Variants in CACHD1 observed in about 807,000 individuals in gnomAD.
CACHD1 encodes the protein VWFA and cache domain-containing protein 1.
In CACHD1, 71 loss-of-function variants were observed where a neutral mutation model predicts 138.7. The ratio of observed to expected loss-of-function variants is 0.51; its 90% CI spans 0.42 to 0.62. The LOEUF (loss-of-function observed/expected upper bound fraction) is 0.62, where lower values mean the gene tolerates loss of function less well. Ranked by LOEUF, CACHD1 falls within the 20% of genes least tolerant of loss-of-function variation. The pLI, the probability that CACHD1 is intolerant of heterozygous loss-of-function variation, is 0.00. For synonymous variants in CACHD1, 578 were observed against 591.5 expected (o/e 0.98, Z 0.33); for missense variants, 1,389 against 1,625.3 (o/e 0.85, Z 2.50).
intron 1 of CACHD1, among the ~76,000 whole-genome samples, chr1:64,535,689 G>C (rs1216930337): frequency 3.3e-5 from 5 of 152,142 alleles, no homozygotes; most frequent in Non-Finnish European, 7.4e-5. Flanking sequence ...TCAAGAAATT[G>C]ACAGTAGAAA....
Position 64,692,637 on chromosome 1 carries a change from A to T in CACHD1, c.*1076A>T, listed in dbSNP as rs1282705144. ...TGAAAGTCTGGTTCTTAATTAAAGA[A>T]TTTTTTTTTTAATATCACGGTTAAA... On this transcript the variant is annotated 3_prime_UTR_variant, in exon 27 of 27. Transcript: ENST00000651257. 1 of 150,792 alleles carries T rather than the reference A, an allele frequency of 6.6e-6. No homozygotes were observed. Among genetic ancestry groups the T allele is most frequent in the Non-Finnish European group, 1.5e-5 (1 of 67,590 alleles). 9.3% of individuals were successfully genotyped at this position (150,792 alleles called of 1,614,324 possible).
intron 2 of CACHD1, among the ~76,000 whole-genome samples, chr1:64,567,096 A>G (rs1415392355): frequency 6.6e-6 from 1 of 152,160 alleles, no homozygotes; most frequent in Non-Finnish European, 1.5e-5. Context: ...AAACTAGATT[A>G]TGATCTCTTT....
chr1:64,591,148 G>A (rs1316588936), intron 3 of CACHD1, among the ~76,000 whole-genome samples: 1 of 152,114 alleles, frequency 6.6e-6, no homozygotes, highest in Non-Finnish European at 1.5e-5. Context: ...GTGACCTTAT[G>A]GGGGGATAAA....
intron 9 of CACHD1, among the ~76,000 whole-genome samples, chr1:64,651,681 A>G (rs1649100974): frequency 6.6e-6 from 1 of 152,178 alleles, no homozygotes; most frequent in African/African-American, 2.4e-5. Flanking sequence ...AAAAATTAAC[A>G]GATGTGTGAA....
At chr1:64,622,890 T>G (rs1647966860) in intron 4 of CACHD1, among the ~76,000 whole-genome samples, 1 of 152,210 alleles carries the variant, frequency 6.6e-6, no homozygotes, top group South Asian at 2.1e-4. Context: ...TTCACATGTT[T>G]AACATGTGCA....
At chr1:64,629,170 A>G (rs557967556) in intron 4 of CACHD1, among the ~76,000 whole-genome samples, 185 bp from the exon 5 acceptor site, 1 of 152,230 alleles carries the variant, frequency 6.6e-6, no homozygotes, top group African/African-American at 2.4e-5. Flanking sequence ...GAAACATTGT[A>G]TTTTCTGTTC....
intron 3 of CACHD1, among the ~76,000 whole-genome samples, chr1:64,591,916 A>G (rs1284107575): frequency 6.6e-6 from 1 of 152,196 alleles, no homozygotes; most frequent in East Asian, 1.9e-4. Context: ...GTCAGATACA[A>G]CTGTATTCAA....
intron 8 of CACHD1, among the ~76,000 whole-genome samples, chr1:64,644,116 C>T (rs1260243866): frequency 1.3e-5 from 2 of 152,262 alleles, no homozygotes; most frequent in South Asian, 2.1e-4. Context: ...GCATTCTGAG[C>T]GCTTAGCACA....
At chr1:64,546,658 A>C (rs1206496980) in intron 1 of CACHD1, among the ~76,000 whole-genome samples, 2 of 152,132 alleles carry the variant, frequency 1.3e-5, no homozygotes, top group African/African-American at 4.8e-5. Context: ...TGTTTTAGGA[A>C]AAATTTTCCT....
chr1:64,527,717 T>G (rs1646551867), intron 1 of CACHD1, among the ~76,000 whole-genome samples: 1 of 152,244 alleles, frequency 6.6e-6, no homozygotes, highest in Admixed American at 6.5e-5. Context: ...AATATTGCAC[T>G]TAATATACAA....
intron 3 of CACHD1, among the ~76,000 whole-genome samples, 175 bp from the exon 4 acceptor site, chr1:64,602,631 G>A (rs114026834): frequency 0.015 from 2,320 of 152,122 alleles, 53 homozygotes; most frequent in African/African-American, 0.054. Context: ...TCTAGAGGCA[G>A]GTGTTCCCCC....
intron 1 of CACHD1, among the ~76,000 whole-genome samples, chr1:64,542,948 A>G (rs1646688360): frequency 6.6e-6 from 1 of 151,930 alleles, no homozygotes; most frequent in Non-Finnish European, 1.5e-5. Context: ...CTTGGGATAC[A>G]TGGCAACATT....
chr1:64,472,237 TCTTCCTCCTC>T (rs1646149994), intron 1 of CACHD1, among the ~76,000 whole-genome samples: 5 of 151,628 alleles, frequency 3.3e-5, no homozygotes, highest in Admixed American at 3.3e-4. Context: ...TCTTCCTTCT[TCTTCCTCCTC>T]CTCCTCCTTC....
Position 64,565,786 on chromosome 1 carries a change from C to T in CACHD1, c.261+15130C>T, listed in dbSNP as rs534592920. Among the ~76,000 whole-genome samples the T allele has an allele frequency of 9.9e-5, 15 of 152,188 alleles. No homozygotes were observed. The South Asian group carries it at 3.1e-3, about 32-fold the overall frequency. ...CATAAGAAGAGCAGGTATTATTATC[C>T]TATTTTCCATAGGAGTAAACTATTT... On this transcript the variant is annotated intron_variant, in intron 2 of 26. Transcript: ENST00000651257.
intron 1 of CACHD1, among the ~76,000 whole-genome samples, chr1:64,533,897 C>CA (rs1201183351): frequency 6.6e-6 from 1 of 151,318 alleles, no homozygotes; most frequent in East Asian, 2.0e-4. Context: ...GGACTACAGG[C>CA]ACCAGCCACC....
chr1:64,514,243 A>G (rs895068996), intron 1 of CACHD1, among the ~76,000 whole-genome samples: 27 of 152,216 alleles, frequency 1.8e-4, no homozygotes, highest in Admixed American at 1.4e-3. Flanking sequence ...TGAAACCTGG[A>G]ATGATTGCCA....
At chr1:64,594,224 A>G (rs1647131318) in intron 3 of CACHD1, among the ~76,000 whole-genome samples, 1 of 150,290 alleles carries the variant, frequency 6.7e-6, no homozygotes, top group Admixed American at 6.7e-5. Context: ...ATTGCACTCC[A>G]GCCTGGGCAG....
intron 19 of CACHD1, 30 bp downstream of exon 19, chr1:64,673,494 A>C (rs1557551042): frequency 6.7e-7 from 1 of 1,499,056 alleles, no homozygotes; most frequent in Non-Finnish European, 9.3e-7. Context: ...TAACACTCTC[A>C]TTTTTCCATC....
intron 2 of CACHD1, among the ~76,000 whole-genome samples, chr1:64,557,781 T>G (rs1224966719): frequency 6.6e-6 from 1 of 151,182 alleles, no homozygotes; most frequent in Non-Finnish European, 1.5e-5. Flanking sequence ...TTTTTCTCTT[T>G]TTAAAAAATT....
Sources: allele counts gnomAD v4.1 joint callset (sites outside exome capture counted in the v4.1 genomes callset), GRCh38; gene constraint gnomAD v4.1.1; transcripts MANE v1.5; gene names NCBI Gene and HGNC (gene_info 2026-07-23, HGNC 2026-07-21).